DNAJC5: variants seen among roughly 807,000 people sequenced by gnomAD.
The protein encoded by DNAJC5 is DnaJ heat shock protein family (Hsp40) member C5.
DNAJC5 carries 1 observed loss-of-function variant against 23.2 expected under a neutral mutation model. The observed-to-expected ratio is 0.04, with a 90% CI of 0.02 to 0.20. The LOEUF is 0.20. Among genes scored for constraint, DNAJC5 ranks in the 10% least tolerant of loss-of-function variants. DNAJC5 has a pLI of 1.00. For missense variants in DNAJC5, 180 were observed against 267.0 expected, an observed-to-expected ratio of 0.67 and a Z score of 2.27; for synonymous variants, 136 against 120.0, an observed-to-expected ratio of 1.13 and a Z score of -0.87.
At chr20:63,911,495 C>T (rs1441835957) in intron 1 of DNAJC5, among the ~76,000 whole-genome samples, 3 of 152,276 alleles carry the variant, frequency 2.0e-5, no homozygotes, top group South Asian at 4.2e-4. Context: ...TGCCATGGCT[C>T]CAGCTCAGAT....
chr20:63,898,059 C>T (rs566169049), intron 1 of DNAJC5, among the ~76,000 whole-genome samples: 1 of 152,338 alleles, frequency 6.6e-6, no homozygotes, highest in African/African-American at 2.4e-5. Flanking sequence ...CACCTTTGCC[C>T]AAGGTCTCCC....
Position 63,931,124 on chromosome 20 carries a change from G to C in DNAJC5, c.493+102G>C. On this transcript the variant is annotated intron_variant, in intron 4 of 4. Transcript: ENST00000360864. The surrounding 1 kb of genome is among the most constrained non-coding windows in gnomAD (Gnocchi z 9.6). Reference sequence around the variant, plus strand: ...TGTCAAACAGGAGGGCACTGACACTGTGCCGCGAGTGTTTGTGGTGGCAGC... The same window carrying C: ...TGTCAAACAGGAGGGCACTGACACTCTGCCGCGAGTGTTTGTGGTGGCAGC... The C allele has an allele frequency of 7.9e-7, 1 of 1,267,960 alleles. No homozygotes were observed. Among genetic ancestry groups the C allele is most frequent in the Non-Finnish European group, 1.1e-6 (1 of 892,348 alleles). 78.5% of individuals were successfully genotyped at this position (1,267,960 alleles called of 1,614,324 possible).
At chr20:63,907,861 C>T (rs908691708) in intron 1 of DNAJC5, among the ~76,000 whole-genome samples, 1 of 152,182 alleles carries the variant, frequency 6.6e-6, no homozygotes, top group African/African-American at 2.4e-5. Context: ...TGCCTCCCGG[C>T]TTCAAGTGAT....
chr20:63,897,443 G>A (rs543710868), intron 1 of DNAJC5, among the ~76,000 whole-genome samples: 2 of 152,070 alleles, frequency 1.3e-5, no homozygotes, highest in African/African-American at 2.4e-5. Flanking sequence ...GTGGGCGTCC[G>A]TAATCCCAGC....
intron 1 of DNAJC5, among the ~76,000 whole-genome samples, chr20:63,922,139 AG>A (rs1386443934): frequency 6.6e-6 from 1 of 151,986 alleles, no homozygotes; most frequent in Admixed American, 6.6e-5. Context: ...TTCAAACATC[AG>A]GTGGCAAACT....
intron 1 of DNAJC5, among the ~76,000 whole-genome samples, chr20:63,925,714 G>A (rs996540478): frequency 9.9e-5 from 14 of 140,884 alleles, no homozygotes; most frequent in African/African-American, 2.7e-4. Context: ...CCGAGATCGC[G>A]TCACCGCACT....
intron 1 of DNAJC5, among the ~76,000 whole-genome samples, chr20:63,923,229 G>T: frequency 6.6e-6 from 1 of 152,072 alleles, no homozygotes; most frequent in African/African-American, 2.4e-5. Context: ...GCTGAGGCAG[G>T]AGGATCACTT....
At chr20:63,896,460 G>A (rs2053376253) in intron 1 of DNAJC5, among the ~76,000 whole-genome samples, 1 of 152,172 alleles carries the variant, frequency 6.6e-6, no homozygotes, top group African/African-American at 2.4e-5. Context: ...TGGCTGTGTG[G>A]ACTCTGAGGG....
At chr20:63,899,562 A>G (rs559805622) in intron 1 of DNAJC5, among the ~76,000 whole-genome samples, 74 of 152,352 alleles carry the variant, frequency 4.9e-4, no homozygotes, top group South Asian at 8.3e-4. Context: ...TTGAAATTGC[A>G]GAAATTAGGA....
At chr20:63,930,700 T>C in intron 3 of DNAJC5, 151 bp from the exon 4 acceptor site, 1 of 1,276,320 alleles carries the variant, frequency 7.8e-7, no homozygotes, top group South Asian at 1.2e-5. Context: ...CCTCCTCCCT[T>C]CTTCAGTTCT....
At chr20:63,898,314 T>G (rs949855361) in intron 1 of DNAJC5, among the ~76,000 whole-genome samples, 16 of 152,316 alleles carry the variant, frequency 1.1e-4, no homozygotes, top group African/African-American at 3.6e-4. Flanking sequence ...TGGAGTTTGC[T>G]TCTGAAATCA....
chr20:63,918,013 C>T (rs1013003833), intron 1 of DNAJC5, among the ~76,000 whole-genome samples: 17 of 152,116 alleles, frequency 1.1e-4, no homozygotes, highest in African/African-American at 3.1e-4. Context: ...TCACGCTGTC[C>T]GCCCTTCGCC....
chr20:63,930,593 A>T (rs1051809878), intron 3 of DNAJC5, among the ~76,000 whole-genome samples: 5 of 152,182 alleles, frequency 3.3e-5, no homozygotes, highest in Non-Finnish European at 7.4e-5. Flanking sequence ...GTGATCCGCC[A>T]GCCTCGGCCT....
At chr20:63,900,041 A>G (rs1270382168) in intron 1 of DNAJC5, among the ~76,000 whole-genome samples, 2 of 151,706 alleles carry the variant, frequency 1.3e-5, no homozygotes, top group African/African-American at 2.4e-5. Context: ...GGCGCCTGCC[A>G]TGACACCCGG....
intron 1 of DNAJC5, among the ~76,000 whole-genome samples, chr20:63,912,123 C>T (rs750436518): frequency 3.3e-5 from 5 of 152,060 alleles, no homozygotes; most frequent in Admixed American, 6.5e-5. Flanking sequence ...GCCAATATAG[C>T]AAAACCTCAT....
intron 1 of DNAJC5, among the ~76,000 whole-genome samples, chr20:63,912,134 C>G (rs1488264711): frequency 6.6e-6 from 1 of 152,094 alleles, no homozygotes; most frequent in Non-Finnish European, 1.5e-5. Flanking sequence ...AAAACCTCAT[C>G]TCTGCTAACA....
intron 1 of DNAJC5, among the ~76,000 whole-genome samples, chr20:63,913,147 G>T (rs992045929): frequency 3.8e-5 from 3 of 79,760 alleles, no homozygotes; most frequent in Non-Finnish European, 6.5e-5. Context: ...TCCCTGTGCT[G>T]TGTCATGCCC....
Position 63,934,313 on chromosome 20 carries a change from C to T in DNAJC5, c.*2745C>T, listed in dbSNP as rs905403562. 4 of 151,800 alleles carry T rather than the reference C, an allele frequency of 2.6e-5. No homozygotes were observed. The highest frequency in any genetic ancestry group is 9.7e-5 in the African/African-American group (4 of 41,338). 9.4% of individuals were successfully genotyped at this position (151,800 alleles called of 1,614,324 possible). A position where few individuals can be genotyped will look rare whatever the true frequency, so the allele number is the denominator to read the frequency against. ...TCCACGTGCTAACAGATCAGGACGC[C>T]CCCAGCACCCCTGCCTGCTTTTGCT... On this transcript the variant is annotated 3_prime_UTR_variant, in exon 5 of 5. Transcript: ENST00000360864.
At chr20:63,922,327 G>A (rs1393437715) in intron 1 of DNAJC5, among the ~76,000 whole-genome samples, 1 of 152,028 alleles carries the variant, frequency 6.6e-6, no homozygotes, top group Non-Finnish European at 1.5e-5. Flanking sequence ...GCTGGGTGTG[G>A]TGGCGCGCGC....
Sources: allele counts gnomAD v4.1 joint callset (sites outside exome capture counted in the v4.1 genomes callset), GRCh38; gene constraint gnomAD v4.1.1; non-coding constraint Gnocchi (gnomAD v3.1); transcripts MANE v1.5; gene names NCBI Gene and HGNC (gene_info 2026-07-23, HGNC 2026-07-21).